Variants in RIN3 observed in about 807,000 individuals in gnomAD.
The protein encoded by RIN3 is RAB5 interacting protein 3.
RIN3 carries 54 observed loss-of-function variants against 76.3 expected under a neutral mutation model. The observed-to-expected ratio is 0.71, with a 90% CI of 0.57 to 0.89. The LOEUF (loss-of-function observed/expected upper bound fraction) is 0.89, where lower values mean the gene tolerates loss of function less well. RIN3 is among the 40% of genes least tolerant of loss of function. RIN3 has a pLI of 0.00. For synonymous variants in RIN3, 576 were observed against 564.0 expected (o/e 1.02, Z -0.30); for missense variants, 1,256 against 1,322.1 (o/e 0.95, Z 0.78).
chr14:92,532,739 A>G (rs565024244), intron 1 of RIN3, among the ~76,000 whole-genome samples: 48 of 152,092 alleles, frequency 3.2e-4, no homozygotes, highest in African/African-American at 1.0e-3. Flanking sequence ...GGTTGCAGGT[A>G]CTCTTAGAGG....
chr14:92,620,438 A>G (rs1255415857), intron 4 of RIN3, among the ~76,000 whole-genome samples: 1 of 152,230 alleles, frequency 6.6e-6, no homozygotes, highest in Non-Finnish European at 1.5e-5. Flanking sequence ...AAAATCCAAA[A>G]AGTTTGTTTA....
chr14:92,651,934 C>A lies in RIN3; in HGVS notation c.885C>A (p.Ala295=). 1.3e-6 allele frequency: 2 copies of A among 1,556,612 alleles called. No individual in the cohort carries two copies. Among genetic ancestry groups the A allele is most frequent in the Non-Finnish European group, 1.7e-6 (2 of 1,149,234 alleles). Reference sequence around the variant, plus strand: ...TGCCCCTGCAGCCCTGCAGCCCAGCCCAGCCCCCTGTGCTCCCTGCTCTTG... The same window carrying A: ...TGCCCCTGCAGCCCTGCAGCCCAGCACAGCCCCCTGTGCTCCCTGCTCTTG... The part of the protein sequence containing the change: ...PVLPLQPCSP[A]QPPVLPALAP... Residue 295 remains alanine, a synonymous_variant, in exon 6 of 10, where the codon GCC becomes GCA. Coordinates refer to ENST00000216487, the MANE Select transcript of RIN3 (RefSeq NM_024832.5).
intron 3 of RIN3, among the ~76,000 whole-genome samples, chr14:92,584,349 A>G (rs374845684): frequency 6.6e-6 from 1 of 152,172 alleles, no homozygotes; most frequent in Non-Finnish European, 1.5e-5. Flanking sequence ...CAAAGGTTCC[A>G]CTCAGAGAAG....
intron 4 of RIN3, among the ~76,000 whole-genome samples, chr14:92,627,721 C>T (rs191050737): frequency 1.4e-4 from 21 of 152,334 alleles, no homozygotes; most frequent in South Asian, 4.1e-4. Flanking sequence ...CTTGAGGCCA[C>T]GTCAGCAAGG....
intron 7 of RIN3, among the ~76,000 whole-genome samples, chr14:92,670,434 A>G (rs569830733): frequency 6.6e-6 from 1 of 152,276 alleles, no homozygotes; most frequent in Non-Finnish European, 1.5e-5. Flanking sequence ...TGCAGCTAAC[A>G]TCCCAGTGGC....
chr14:92,646,736 C>T (rs543132021), intron 5 of RIN3, among the ~76,000 whole-genome samples: 3 of 152,168 alleles, frequency 2.0e-5, no homozygotes, highest in African/African-American at 7.2e-5. Flanking sequence ...CCACAGCTCC[C>T]GGCCATGTGT....
chr14:92,641,514 C>T (rs1887014872), intron 5 of RIN3, among the ~76,000 whole-genome samples, 185 bp downstream of exon 5: 1 of 152,208 alleles, frequency 6.6e-6, no homozygotes, highest in Non-Finnish European at 1.5e-5. Flanking sequence ...AAAGAGTCGC[C>T]TCTATCAGCT....
At chr14:92,553,552 C>A (rs573685020) in intron 1 of RIN3, among the ~76,000 whole-genome samples, 1 of 152,106 alleles carries the variant, frequency 6.6e-6, no homozygotes, top group Non-Finnish European at 1.5e-5. Context: ...ACCCCGCCCC[C>A]ACCAGCCCCA....
chr14:92,551,761 A>G (rs572846908), intron 1 of RIN3, among the ~76,000 whole-genome samples: 1 of 152,278 alleles, frequency 6.6e-6, no homozygotes, highest in East Asian at 1.9e-4. Context: ...TCTTTGAAGT[A>G]TCTGTTCAAA....
In RIN3 at chr14:92,652,706, A is replaced by G. The variant is rs1205436899; in HGVS notation, c.1657A>G (p.Ser553Gly). 6 of 1,613,564 alleles carry G rather than the reference A, an allele frequency of 3.7e-6. No individual in the cohort carries two copies. The highest frequency in any genetic ancestry group is 3.3e-5 in the South Asian group (3 of 91,086). The change falls in exon 6 of 10, where the codon AGC becomes GGC. Residue 553 changes from serine to glycine, a missense_variant. By Grantham distance (56) the Ser-to-Gly change is moderately conservative (BLOSUM62 0). Coordinates refer to ENST00000216487, the MANE Select transcript of RIN3 (RefSeq NM_024832.5). This position sits in a 1 kb window ranked among gnomAD's most constrained non-coding sequence, Gnocchi z 6.4. ...CACCGACCAGGACTCCTACTCCACC[A>G]GCAGCACGGAGGAGGAGCTGGAGCA... is the stretch of plus-strand genomic sequence containing the variant. Reference protein sequence around the residue: ...MATDQDSYSTSSTEEELEQFS... With the variant: ...MATDQDSYSTGSTEEELEQFS...
At chr14:92,572,596 T>C (rs1243792095) in intron 2 of RIN3, among the ~76,000 whole-genome samples, 2 of 152,234 alleles carry the variant, frequency 1.3e-5, no homozygotes, top group African/African-American at 4.8e-5. Flanking sequence ...GATACCTGAC[T>C]ACCTACTGTA....
intron 1 of RIN3, among the ~76,000 whole-genome samples, chr14:92,530,542 CT>C (rs1477767626): frequency 1.3e-5 from 2 of 151,942 alleles, no homozygotes; most frequent in Non-Finnish European, 2.9e-5. Flanking sequence ...TCATAGCCCC[CT>C]GAGGCTGAGA....
chr14:92,576,624 C>G (rs1455991555), intron 2 of RIN3, among the ~76,000 whole-genome samples: 1 of 152,124 alleles, frequency 6.6e-6, no homozygotes, highest in Non-Finnish European at 1.5e-5. Context: ...TCCTGTGGGC[C>G]AAGCCCTAAC....
Position 92,641,221 on chromosome 14 carries a change from C to T in RIN3, c.441-17C>T, listed in dbSNP as rs370151704. On this transcript the variant is annotated splice_polypyrimidine_tract_variant and intron_variant, in intron 4 of 9. Coordinates refer to ENST00000216487, the MANE Select transcript of RIN3 (RefSeq NM_024832.5). ...CGGTGGACCCAGACATGACTTCTGC[C>T]CCTCGTGTCTTCACAGAGACTTACT... is the stretch of plus-strand genomic sequence containing the variant. The T allele has an allele frequency of 3.8e-6, 6 of 1,588,334 alleles. No individual in the cohort carries two copies. The South Asian group carries it at 5.5e-5, about 15-fold the overall frequency.
intron 3 of RIN3, among the ~76,000 whole-genome samples, chr14:92,580,882 C>T (rs184839426): frequency 4.3e-4 from 65 of 152,360 alleles, no homozygotes; most frequent in Non-Finnish European, 6.5e-4. Context: ...TGGGTCTAGC[C>T]ATGTGCCCTG....
At position 92,555,912 on chromosome 14, in the gene RIN3, G is replaced by A; in HGVS notation, c.206G>A (p.Gly69Asp). The change falls in exon 2 of 10, where the codon GGC becomes GAC. Residue 69 changes from glycine (G) to aspartate (D), a missense_variant. By Grantham distance (94) the Gly-to-Asp change is moderately conservative (BLOSUM62 -1). Coordinates refer to ENST00000216487, the MANE Select transcript of RIN3 (RefSeq NM_024832.5). ...TCPVWLQLSLGQAEVARILHR... is the reference protein window; with the variant it reads ...TCPVWLQLSLDQAEVARILHR... ...CCGGTGTGGCTGCAGCTGAGTCTGG[G>A]CCAGGCAGAGGTGGCCAGGATCCTG... 6.2e-7 allele frequency: 1 copy of A among 1,613,676 alleles called. No individual in the cohort carries two copies. Among genetic ancestry groups the A allele is most frequent in the Non-Finnish European group, 8.5e-7 (1 of 1,180,008 alleles).
At chr14:92,672,328 C>A (rs1338280803) in intron 7 of RIN3, among the ~76,000 whole-genome samples, 1 of 152,150 alleles carries the variant, frequency 6.6e-6, no homozygotes, top group Admixed American at 6.6e-5. Context: ...AGGAGAATCG[C>A]CTGAACCTGG....
In RIN3 at chr14:92,659,389, C is replaced by A; in HGVS notation, c.2255C>A (p.Ala752Asp). 6.2e-7 allele frequency: 1 copy of A among 1,613,600 alleles called. No homozygotes were observed. Among genetic ancestry groups the A allele is most frequent in the South Asian group, 1.1e-5 (1 of 91,008 alleles). Residue 752 changes from alanine to aspartate, a missense_variant, in exon 7 of 10, where the codon GCC becomes GAC. Transcript: ENST00000216487. Reference sequence around the variant, plus strand: ...CAGAAGTTCACCAGCATGCACAAGGCCTACTCACCTGAGAAGAAGATCTCC... The same window carrying A: ...CAGAAGTTCACCAGCATGCACAAGGACTACTCACCTGAGAAGAAGATCTCC... ...ILQKFTSMHK[A>D]YSPEKKISIL...
At chr14:92,533,541 A>G (rs1163861998) in intron 1 of RIN3, among the ~76,000 whole-genome samples, 7 of 152,386 alleles carry the variant, frequency 4.6e-5, no homozygotes, top group Non-Finnish European at 4.4e-5. Context: ...TCAGCAATAA[A>G]AAGGAGTGAA....
Sources: gnomAD v4.1 joint callset for allele counts (sites outside exome capture counted in the v4.1 genomes callset) on GRCh38, gnomAD v4.1.1 for gene constraint, Gnocchi (gnomAD v3.1) non-coding constraint, MANE v1.5 for transcripts, NCBI Gene and HGNC (gene_info 2026-07-23, HGNC 2026-07-21) for gene names.